The following CSMD1 variants were observed in gnomAD, a reference collection of about 807,000 sequenced individuals.
CSMD1 encodes the protein CUB and sushi domain-containing protein 1.
A neutral mutation model predicts 417.5 loss-of-function variants in CSMD1; 213 were observed. The observed-to-expected ratio is 0.51, with a 90% CI of 0.46 to 0.57. The LOEUF (loss-of-function observed/expected upper bound fraction) is 0.57. Ranked by LOEUF, CSMD1 falls within the 20% of genes least tolerant of loss-of-function variation. The pLI, the probability that CSMD1 is intolerant of heterozygous loss-of-function variation, is 0.00. For missense variants in CSMD1, 6,923 were observed against 4,529.7 expected (o/e 1.53, Z -15.17); for synonymous variants, 2,862 against 1,736.8 (o/e 1.65, Z -16.11).
chr8:3,522,918 A>G (rs1563118894), intron 10 of CSMD1, among the ~76,000 whole-genome samples: 2 of 150,296 alleles, frequency 1.3e-5, no homozygotes, highest in Non-Finnish European at 3.0e-5. Context: ...TCATGTATAA[A>G]ATATCAATAT....
intron 7 of CSMD1, chr8:3,700,449 A>G (rs966157718): frequency 1.3e-5 from 2 of 152,158 alleles, no homozygotes; most frequent in African/African-American, 2.4e-5. Flanking sequence ...AAACACAAAA[A>G]CAGAGCAAGT....
intron 5 of CSMD1, among the ~76,000 whole-genome samples, chr8:3,812,275 T>C (rs1255900925): frequency 1.3e-5 from 2 of 152,102 alleles, no homozygotes; most frequent in Non-Finnish European, 2.9e-5. Flanking sequence ...AATGCATTGT[T>C]TTTGGTGGGG....
Position 3,293,298 on chromosome 8 carries a change from T to A in CSMD1, c.3951-8952A>T, listed in dbSNP as rs182256944. ...TCAACTTTGGTGAATCTGACAATTA[T>A]GTGTCTTTGAGTTGCTCTTCTCGAG... On this transcript the variant is annotated intron_variant, in intron 25 of 69. Transcript: ENST00000635120. Among the ~76,000 whole-genome samples, 30 of 152,270 alleles carry A rather than the reference T, an allele frequency of 2.0e-4. 2 individuals carry two copies. The South Asian group carries it at 5.2e-3, about 26-fold the overall frequency.
At chr8:3,487,205 A>ATTTTTG (rs199659452) in intron 11 of CSMD1, among the ~76,000 whole-genome samples, 10 of 142,690 alleles carry the variant, frequency 7.0e-5, no homozygotes, top group African/African-American at 2.6e-4. Flanking sequence ...ATACTTTTTT[A>ATTTTTG]TTTATTTAGT....
intron 3 of CSMD1, among the ~76,000 whole-genome samples, chr8:4,332,211 G>A (rs1799905009): frequency 1.3e-5 from 2 of 151,996 alleles, no homozygotes; most frequent in Non-Finnish European, 1.5e-5. Flanking sequence ...GCAAACAGGT[G>A]CGGATCCCTC....
chr8:3,462,665 A>T (rs1000346111), intron 12 of CSMD1, among the ~76,000 whole-genome samples: 1 of 152,108 alleles, frequency 6.6e-6, no homozygotes, highest in African/African-American at 2.4e-5. Flanking sequence ...TACACATTAC[A>T]TTGTAATAAT....
intron 1 of CSMD1, among the ~76,000 whole-genome samples, chr8:4,742,300 G>C (rs1020649795): frequency 1.3e-5 from 2 of 151,738 alleles, no homozygotes; most frequent in Admixed American, 6.6e-5. Flanking sequence ...AAAGTGCTGA[G>C]ATTATAGGCA....
At chr8:4,079,522 G>A (rs1563095840) in intron 3 of CSMD1, among the ~76,000 whole-genome samples, 2 of 152,108 alleles carry the variant, frequency 1.3e-5, no homozygotes, top group South Asian at 2.1e-4. Flanking sequence ...GAAGACAGCT[G>A]CACATCTGAT....
At chr8:4,351,142 G>T (rs1353939676) in intron 3 of CSMD1, among the ~76,000 whole-genome samples, 2 of 150,954 alleles carry the variant, frequency 1.3e-5, no homozygotes, top group South Asian at 2.1e-4. Context: ...AACATAGCAA[G>T]GTCCCATCTC....
chr8:3,723,179 C>T (rs1802285260), intron 6 of CSMD1, among the ~76,000 whole-genome samples: 1 of 152,114 alleles, frequency 6.6e-6, no homozygotes, highest in African/African-American at 2.4e-5. Flanking sequence ...ATGAAGGGGC[C>T]ACTCGGGGCA....
intron 1 of CSMD1, among the ~76,000 whole-genome samples, chr8:4,835,075 C>A (rs138531270): frequency 6.5e-4 from 97 of 149,854 alleles, no homozygotes; most frequent in African/African-American, 2.2e-3. Context: ...AAAAGCGTTT[C>A]TTCACTGCCC....
intron 5 of CSMD1, among the ~76,000 whole-genome samples, chr8:3,777,740 T>C (rs554738237): frequency 3.6e-4 from 55 of 150,998 alleles, no homozygotes; most frequent in East Asian, 3.1e-3. Flanking sequence ...ACTCCAGACC[T>C]GCAGCCTCCT....
At chr8:4,551,477 T>C (rs1296419069) in intron 2 of CSMD1, among the ~76,000 whole-genome samples, 2 of 152,188 alleles carry the variant, frequency 1.3e-5, no homozygotes, top group Admixed American at 1.3e-4. Flanking sequence ...CTGATGGTGA[T>C]ATTTTAGTTT....
intron 2 of CSMD1, among the ~76,000 whole-genome samples, chr8:4,439,209 C>G (rs1274149953): frequency 1.3e-5 from 2 of 152,068 alleles, no homozygotes; most frequent in African/African-American, 4.8e-5. Flanking sequence ...TTGCAAATTT[C>G]ATTTATTTGA....
chr8:3,062,189 C>T (rs1812631897), intron 49 of CSMD1, among the ~76,000 whole-genome samples: 1 of 151,824 alleles, frequency 6.6e-6, no homozygotes, highest in Admixed American at 6.6e-5. Flanking sequence ...CTTTGATTTC[C>T]AAAATATTTT....
At chr8:4,162,675 G>C (rs375989706) in intron 3 of CSMD1, among the ~76,000 whole-genome samples, 3 of 152,048 alleles carry the variant, frequency 2.0e-5, no homozygotes, top group Non-Finnish European at 2.9e-5. Flanking sequence ...CCCATACACA[G>C]AGCCTCCCCA....
At chr8:3,327,847 G>T (rs1806634143) in intron 23 of CSMD1, among the ~76,000 whole-genome samples, 1 of 152,108 alleles carries the variant, frequency 6.6e-6, no homozygotes, top group African/African-American at 2.4e-5. Flanking sequence ...CTCTTCACCT[G>T]CATATGCCCT....
intron 3 of CSMD1, among the ~76,000 whole-genome samples, chr8:4,230,542 C>G (rs1248707951): frequency 6.6e-6 from 1 of 152,108 alleles, no homozygotes; most frequent in East Asian, 1.9e-4. Context: ...GCCAGTTGCT[C>G]AATTATATTG....
At chr8:4,299,476 T>C (rs753823955) in intron 3 of CSMD1, among the ~76,000 whole-genome samples, 2 of 152,180 alleles carry the variant, frequency 1.3e-5, no homozygotes, top group Non-Finnish European at 2.9e-5. Context: ...ATTCAACAGA[T>C]ACTTACTCAA....
Sources: gnomAD v4.1 joint callset for allele counts (sites outside exome capture counted in the v4.1 genomes callset) on GRCh38, gnomAD v4.1.1 for gene constraint, MANE v1.5 for transcripts, NCBI Gene and HGNC (gene_info 2026-07-23, HGNC 2026-07-21) for gene names.